The following CDH4 variants were observed in gnomAD, a reference collection of about 807,000 sequenced individuals.
The protein encoded by CDH4 is cadherin 4, also known as cadherin-4.
CDH4 carries 33 observed loss-of-function variants against 86.0 expected under a neutral mutation model. The observed-to-expected ratio is 0.38, with a 90% CI of 0.29 to 0.51. The LOEUF is 0.51. CDH4 is among the 20% of genes least tolerant of loss of function. CDH4 has a pLI of 0.86. For missense variants in CDH4, 1,114 were observed against 1,307.4 expected, an observed-to-expected ratio of 0.85 and a Z score of 2.28; for synonymous variants, 555 against 549.4, an observed-to-expected ratio of 1.01 and a Z score of -0.14.
rs2085699857 is a variant in CDH4, at chr20:61,501,381, A to G, written c.170-242182A>G. Reference sequence around the variant, plus strand: ...GCATTGGGGTGACTGAGACAAATGGAGTGTGGCCTGCTTGGGAAATGCTGA... The same window carrying G: ...GCATTGGGGTGACTGAGACAAATGGGGTGTGGCCTGCTTGGGAAATGCTGA... On this transcript the variant is annotated intron_variant, in intron 2 of 15. Transcript: ENST00000614565. This position sits in a 1 kb window ranked among gnomAD's most constrained non-coding sequence, Gnocchi z 4.2. Among the ~76,000 whole-genome samples the G allele has an allele frequency of 6.6e-6, 1 of 152,154 alleles. No individual in the cohort carries two copies. Among genetic ancestry groups the G allele is most frequent in the African/African-American group, 2.4e-5 (1 of 41,444 alleles).
chr20:61,714,265 C>T (rs930819457), intron 2 of CDH4, among the ~76,000 whole-genome samples: 1 of 151,978 alleles, frequency 6.6e-6, no homozygotes, highest in Non-Finnish European at 1.5e-5. Flanking sequence ...CCAGGATGGT[C>T]TCCATCTCCT....
intron 2 of CDH4, among the ~76,000 whole-genome samples, chr20:61,477,334 G>T (rs1226155494): frequency 7.7e-6 from 1 of 129,086 alleles, no homozygotes; most frequent in African/African-American, 2.5e-5. Context: ...GGGCCCCATG[G>T]GGTTAGGCGT....
chr20:61,886,187 G>T (rs73145130), intron 7 of CDH4, among the ~76,000 whole-genome samples: 10,547 of 152,274 alleles, frequency 0.069, 964 homozygotes, highest in African/African-American at 0.21. Context: ...GGTGGGGGCA[G>T]CATCCAGGAG....
intron 2 of CDH4, among the ~76,000 whole-genome samples, chr20:61,298,023 G>A (rs542045825): frequency 6.6e-5 from 10 of 152,242 alleles, no homozygotes; most frequent in Non-Finnish European, 1.0e-4. Context: ...GGAGGCCCAC[G>A]CAGGCACCCG....
chr20:61,923,589 C>G lies in CDH4; in HGVS notation c.1513C>G (p.Pro505Ala). Residue 505 changes from proline to alanine, a missense_variant, in exon 10 of 16, where the codon CCC becomes GCC. Coordinates refer to ENST00000614565, the MANE Select transcript of CDH4 (RefSeq NM_001794.5). ...CTCCATCATGGACATCAACGAGGCT[C>G]CCTACTTCCCCTCAAACCACAAGCT... ...TISIMDINEA[P>A]YFPSNHKLIR... is the part of the protein sequence containing the mutation. The G allele has an allele frequency of 1.2e-6, 2 of 1,614,166 alleles. No individual in the cohort carries two copies. Among genetic ancestry groups the G allele is most frequent in the Non-Finnish European group, 1.7e-6 (2 of 1,180,028 alleles).
At chr20:61,852,616 T>A (rs1204479910) in intron 5 of CDH4, 138 bp from the exon 6 acceptor site, 11 of 712,850 alleles carry the variant, frequency 1.5e-5, no homozygotes, top group Non-Finnish European at 2.1e-5. Flanking sequence ...TTCCATGACG[T>A]GTCCAAAGCC....
chr20:61,803,043 A>G (rs1979915866), intron 4 of CDH4, among the ~76,000 whole-genome samples: 1 of 152,156 alleles, frequency 6.6e-6, no homozygotes, highest in Non-Finnish European at 1.5e-5. Flanking sequence ...ACAGGTCTGG[A>G]CAGCGCTCCC....
At chr20:61,918,363 A>C (rs2054928845) in intron 9 of CDH4, among the ~76,000 whole-genome samples, 1 of 152,200 alleles carries the variant, frequency 6.6e-6, no homozygotes, top group Non-Finnish European at 1.5e-5. Flanking sequence ...CACAACCCCA[A>C]GATGGGCCTG....
chr20:61,381,574 CA>C (rs1295848649), intron 2 of CDH4, among the ~76,000 whole-genome samples: 1 of 152,122 alleles, frequency 6.6e-6, no homozygotes, highest in African/African-American at 2.4e-5. Flanking sequence ...TGAAGCTCAA[CA>C]AAAACTGTAC....
intron 2 of CDH4, among the ~76,000 whole-genome samples, chr20:61,642,529 T>C (rs1458951945): frequency 6.6e-6 from 1 of 152,220 alleles, no homozygotes; most frequent in Non-Finnish European, 1.5e-5. Context: ...GGGGTTTTAC[T>C]TGGAGCACAA....
At chr20:61,608,771 G>A (rs989375474) in intron 2 of CDH4, among the ~76,000 whole-genome samples, 33 of 152,304 alleles carry the variant, frequency 2.2e-4, no homozygotes, top group African/African-American at 7.5e-4. Flanking sequence ...TCACTGCCAC[G>A]GGTATCTGGA....
intron 2 of CDH4, among the ~76,000 whole-genome samples, chr20:61,693,374 T>A (rs1009845780): frequency 6.6e-6 from 1 of 152,146 alleles, no homozygotes; most frequent in Non-Finnish European, 1.5e-5. Flanking sequence ...CTGGGGAGTG[T>A]GTAAGGGGAG....
At chr20:61,891,287 T>C (rs1340360759) in intron 7 of CDH4, among the ~76,000 whole-genome samples, 3 of 152,180 alleles carry the variant, frequency 2.0e-5, no homozygotes, top group Non-Finnish European at 4.4e-5. Context: ...CAGAACACAG[T>C]CGTGTCCCAT....
Position 61,856,186 on chromosome 20 carries a change from G to A in CDH4, c.877+3288G>A, listed in dbSNP as rs562519285. ...AAGGAAAAACTACCGCCAGAAATTA[G>A]TCATTATTCTCTGGAAGGACAGGGT... On this transcript the variant is annotated intron_variant, in intron 6 of 15. Transcript: ENST00000614565. Among the ~76,000 whole-genome samples the A allele has an allele frequency of 1.4e-4, 21 of 152,338 alleles. 1 individual carries two copies. The South Asian group carries it at 4.1e-3, about 30-fold the overall frequency.
At chr20:61,579,294 T>TTC (rs1436331221) in intron 2 of CDH4, among the ~76,000 whole-genome samples, 1 of 149,930 alleles carries the variant, frequency 6.7e-6, no homozygotes, top group Non-Finnish European at 1.5e-5. Context: ...GATTTTTTTT[T>TTC]TTTTTTTTTT....
intron 2 of CDH4, chr20:61,499,507 G>A (rs1453318003): frequency 7.8e-7 from 1 of 1,288,846 alleles, no homozygotes; most frequent in African/African-American, 1.5e-5. Flanking sequence ...GTGTGAGTGT[G>A]CTAGGGGGGC....
intron 2 of CDH4, among the ~76,000 whole-genome samples, chr20:61,695,928 C>A (rs934558085): frequency 1.2e-4 from 19 of 152,176 alleles, no homozygotes; most frequent in Admixed American, 1.2e-3. Context: ...CCGGCCTCAC[C>A]CACCCGCTGC....
chr20:61,927,810 G>T (rs1435275741), intron 11 of CDH4, among the ~76,000 whole-genome samples: 2 of 152,242 alleles, frequency 1.3e-5, no homozygotes, highest in African/African-American at 4.8e-5. Context: ...ACACCCCGCT[G>T]TGTGCGTGTG....
intron 2 of CDH4, among the ~76,000 whole-genome samples, chr20:61,422,102 G>T (rs952327706): frequency 6.6e-6 from 1 of 152,048 alleles, no homozygotes; most frequent in Admixed American, 6.5e-5. Context: ...CTTTTTGAAC[G>T]TATATCTATG....
Sources: allele counts gnomAD v4.1 joint callset (sites outside exome capture counted in the v4.1 genomes callset), GRCh38; gene constraint gnomAD v4.1.1; non-coding constraint Gnocchi (gnomAD v3.1); transcripts MANE v1.5; gene names NCBI Gene and HGNC (gene_info 2026-07-23, HGNC 2026-07-21).